The following RAB27B variants were observed in gnomAD, a reference collection of about 807,000 sequenced individuals.
RAB27B encodes ras-related protein Rab-27B.
Under a neutral mutation model 24.6 loss-of-function variants are expected in RAB27B, and 15 were observed. The ratio of observed to expected loss-of-function variants is 0.61; its 90% CI spans 0.41 to 0.94. The LOEUF (loss-of-function observed/expected upper bound fraction) is 0.94, where lower values mean the gene tolerates loss of function less well. RAB27B is among the 40% of genes least tolerant of loss of function. The pLI is 0.00. For missense variants in RAB27B, 261 were observed against 266.8 expected (o/e 0.98, Z 0.15); for synonymous variants, 105 against 92.5 (o/e 1.14, Z -0.78).
intron 2 of RAB27B, among the ~76,000 whole-genome samples, chr18:54,722,516 G>A (rs894586646): frequency 2.0e-5 from 3 of 152,144 alleles, no homozygotes; most frequent in African/African-American, 7.2e-5. Context: ...CCCACTTCTT[G>A]AGAAGTTGAG....
chr18:54,888,266 T>G (rs1913227297), intron 5 of RAB27B, 148 bp downstream of exon 5: 3 of 810,054 alleles, frequency 3.7e-6, no homozygotes, highest in East Asian at 2.9e-5. Flanking sequence ...ATATATGATG[T>G]ATTAATGAAT....
At chr18:54,820,727 T>A (rs761501988) in intron 2 of RAB27B, among the ~76,000 whole-genome samples, 2 of 152,222 alleles carry the variant, frequency 1.3e-5, no homozygotes, top group Non-Finnish European at 1.5e-5. Context: ...CTGGGTTTTC[T>A]TCTAAAGTTT....
intron 2 of RAB27B, among the ~76,000 whole-genome samples, chr18:54,820,036 T>C (rs1278924696): frequency 6.6e-6 from 1 of 152,174 alleles, no homozygotes; most frequent in African/African-American, 2.4e-5. Context: ...ACATATGGCT[T>C]GGTTCCAAGA....
At chr18:54,886,938 G>A (rs187873828) in intron 4 of RAB27B, among the ~76,000 whole-genome samples, 1 of 151,404 alleles carries the variant, frequency 6.6e-6, no homozygotes, top group Non-Finnish European at 1.5e-5. Context: ...CAGCTTGACA[G>A]GTTTCTTATA....
At chr18:54,840,996 A>T (rs1911086110) in intron 1 of RAB27B, among the ~76,000 whole-genome samples, 1 of 151,928 alleles carries the variant, frequency 6.6e-6, no homozygotes, top group Non-Finnish European at 1.5e-5. Flanking sequence ...AAAATACAAA[A>T]ATTAGCCGGG....
intron 2 of RAB27B, among the ~76,000 whole-genome samples, chr18:54,755,679 T>G (rs1406263269): frequency 1.3e-5 from 2 of 152,252 alleles, no homozygotes; most frequent in African/African-American, 4.8e-5. Context: ...GTAATTTTAT[T>G]GTGCAAATGC....
chr18:54,840,104 A>G (rs554204838), intron 1 of RAB27B, among the ~76,000 whole-genome samples: 2 of 152,332 alleles, frequency 1.3e-5, no homozygotes, highest in Admixed American at 1.3e-4. Context: ...TGGGCAAATA[A>G]TGTTATGACT....
At position 54,884,287 on chromosome 18, in the gene RAB27B, A is replaced by G. The variant is rs773306177; in HGVS notation, c.240-46A>G. On this transcript the variant is annotated intron_variant, in intron 3 of 5. Transcript: ENST00000262094. The stretch of plus-strand genomic sequence containing the variant: ...ACTGTTATTTGTGTTGTTGTCAAAG[A>G]TATGTGGACTAACTTTCAGAACTAC... The G allele has an allele frequency of 3.5e-6, 4 of 1,146,474 alleles. No individual in the cohort carries two copies. The Admixed American group carries it at 6.9e-5, about 20-fold the overall frequency. 71.0% of individuals were successfully genotyped at this position (1,146,474 alleles called of 1,614,324 possible). A position where few individuals can be genotyped will look rare whatever the true frequency, so the allele number is the denominator to read the frequency against.
chr18:54,785,118 T>TC (rs1157845702), intron 2 of RAB27B, among the ~76,000 whole-genome samples: 1 of 151,696 alleles, frequency 6.6e-6, no homozygotes, highest in African/African-American at 2.4e-5. Context: ...CTTTTTTTTT[T>TC]TGAGACGGAG....
At chr18:54,808,467 A>G (rs1909862968) in intron 2 of RAB27B, among the ~76,000 whole-genome samples, 1 of 152,248 alleles carries the variant, frequency 6.6e-6, no homozygotes, top group Admixed American at 6.5e-5. Context: ...GGGCAAGGAA[A>G]TGTAAACGCT....
intron 2 of RAB27B, among the ~76,000 whole-genome samples, chr18:54,811,286 A>C (rs922090142): frequency 4.6e-5 from 7 of 152,132 alleles, no homozygotes; most frequent in Non-Finnish European, 1.0e-4. Flanking sequence ...TAGCCTCAGG[A>C]GGTTCTGATG....
chr18:54,801,411 C>G (rs994790002), intron 2 of RAB27B, among the ~76,000 whole-genome samples: 2 of 152,092 alleles, frequency 1.3e-5, no homozygotes, highest in African/African-American at 4.8e-5. Flanking sequence ...ATGTATATGA[C>G]TATTAAAAAC....
intron 2 of RAB27B, among the ~76,000 whole-genome samples, chr18:54,799,778 C>T (rs996854156): frequency 2.6e-5 from 4 of 151,760 alleles, no homozygotes; most frequent in Admixed American, 6.6e-5. Context: ...TACAGGCGTC[C>T]ACCACCACAC....
intron 2 of RAB27B, among the ~76,000 whole-genome samples, chr18:54,821,007 T>A (rs1284246877): frequency 6.6e-6 from 1 of 152,144 alleles, no homozygotes; most frequent in Non-Finnish European, 1.5e-5. Context: ...CCATGCTGTT[T>A]TGGTTACTGT....
chr18:54,726,158 A>G (rs1909530396), intron 2 of RAB27B, among the ~76,000 whole-genome samples: 1 of 151,518 alleles, frequency 6.6e-6, no homozygotes, highest in Admixed American at 6.6e-5. Context: ...TTCAAGTAAG[A>G]AAGACTCTAG....
chr18:54,775,019 G>T (rs907292641), intron 2 of RAB27B, among the ~76,000 whole-genome samples: 4 of 152,140 alleles, frequency 2.6e-5, no homozygotes, highest in African/African-American at 9.7e-5. Flanking sequence ...GTGTGCTGTC[G>T]GGAGCTATCA....
chr18:54,889,512 G>T lies in RAB27B; in HGVS notation c.*99G>T. The T allele has an allele frequency of 1.9e-6, 2 of 1,068,214 alleles. No homozygotes were observed. The highest frequency in any genetic ancestry group is 2.6e-6 in the Non-Finnish European group (2 of 767,426). The allele number at this position is 1,068,214 out of a possible 1,614,324, so 66.2% of individuals were successfully genotyped here. ...TGTTGTTGAGTAAACCACGCACAAT[G>T]GCATGTCTTTCTTTTTCTGCCAGAA... On this transcript the variant is annotated 3_prime_UTR_variant, in exon 6 of 6. Transcript: ENST00000262094.
chr18:54,864,370 T>C (rs1912127655), intron 1 of RAB27B, among the ~76,000 whole-genome samples: 1 of 152,252 alleles, frequency 6.6e-6, no homozygotes, highest in South Asian at 2.1e-4. Context: ...TATCAAGCTA[T>C]AAGAGTTCTT....
intron 2 of RAB27B, among the ~76,000 whole-genome samples, chr18:54,815,449 C>T (rs958991350): frequency 6.6e-5 from 10 of 152,174 alleles, no homozygotes; most frequent in African/African-American, 2.2e-4. Context: ...ACCACCAACA[C>T]GTAATGGCTA....
Sources: allele counts gnomAD v4.1 joint callset (sites outside exome capture counted in the v4.1 genomes callset), GRCh38; gene constraint gnomAD v4.1.1; transcripts MANE v1.5; gene names NCBI Gene and HGNC (gene_info 2026-07-23, HGNC 2026-07-21).